The following PATJ variants were observed in gnomAD, a reference collection of about 807,000 sequenced individuals.
PATJ encodes the protein PATJ crumbs cell polarity complex component.
Under a neutral mutation model 224.9 loss-of-function variants are expected in PATJ, and 190 were observed. That is an observed-to-expected ratio of 0.84 (90% confidence interval 0.75 to 0.95). The LOEUF (loss-of-function observed/expected upper bound fraction) is 0.95, where lower values mean the gene tolerates loss of function less well. Ranked by LOEUF, PATJ falls within the 40% of genes least tolerant of loss-of-function variation. PATJ has a pLI of 0.00. For synonymous variants in PATJ, 769 were observed against 820.3 expected, an observed-to-expected ratio of 0.94 and a Z score of 1.07; for missense variants, 2,121 against 2,270.3, an observed-to-expected ratio of 0.93 and a Z score of 1.34.
At chr1:61,851,438 G>C (rs1326320475) in intron 17 of PATJ, among the ~76,000 whole-genome samples, 1 of 152,112 alleles carries the variant, frequency 6.6e-6, no homozygotes, top group Admixed American at 6.5e-5. Context: ...GGGATGGTTT[G>C]CATTAAGCCA....
At chr1:61,783,720 GT>G (rs1420064483) in intron 7 of PATJ, among the ~76,000 whole-genome samples, 2 of 131,000 alleles carry the variant, frequency 1.5e-5, no homozygotes, top group Admixed American at 7.8e-5. Context: ...AGTAATGTGA[GT>G]TTTTTTTTAG....
At chr1:61,869,195 C>CT (rs1438923332) in intron 20 of PATJ, among the ~76,000 whole-genome samples, 1 of 145,820 alleles carries the variant, frequency 6.9e-6, no homozygotes, top group Non-Finnish European at 1.5e-5. Flanking sequence ...CAAGCTCCGC[C>CT]TCCCGGGTTC....
At chr1:61,850,121 T>C (rs2148880366) in intron 17 of PATJ, among the ~76,000 whole-genome samples, 1 of 152,294 alleles carries the variant, frequency 6.6e-6, no homozygotes, top group South Asian at 2.1e-4. Flanking sequence ...TTAGAGCAAT[T>C]TCACAGCTAG....
intron 33 of PATJ, chr1:62,100,526 T>C (rs1662023611): frequency 1.6e-6 from 1 of 614,878 alleles, no homozygotes; most frequent in Non-Finnish European, 3.0e-6. Flanking sequence ...AATCACGCCT[T>C]AAAGGTCTCA....
chr1:61,778,036 T>G (rs1051861516), intron 7 of PATJ, among the ~76,000 whole-genome samples: 3 of 152,040 alleles, frequency 2.0e-5, no homozygotes, highest in Non-Finnish European at 4.4e-5. Flanking sequence ...CAGGCCACCA[T>G]GCCTAGCTAG....
intron 30 of PATJ, among the ~76,000 whole-genome samples, chr1:62,040,821 T>A (rs980986095): frequency 9.2e-5 from 14 of 152,266 alleles, no homozygotes; most frequent in Admixed American, 5.9e-4. Context: ...AAGGATCCAT[T>A]TGGCTATTTA....
At chr1:61,888,025 C>T (rs573610916) in intron 22 of PATJ, among the ~76,000 whole-genome samples, 1 of 152,340 alleles carries the variant, frequency 6.6e-6, no homozygotes, top group Admixed American at 6.5e-5. Context: ...GTTCTCTGTG[C>T]TTCTGCATAG....
intron 7 of PATJ, among the ~76,000 whole-genome samples, chr1:61,785,034 G>C (rs1050631706): frequency 6.6e-6 from 1 of 152,170 alleles, no homozygotes; most frequent in Non-Finnish European, 1.5e-5. Flanking sequence ...TCAATCTAAA[G>C]CATTCCTTCA....
chr1:61,819,510 A>G (rs1656820708), intron 14 of PATJ, among the ~76,000 whole-genome samples: 1 of 152,060 alleles, frequency 6.6e-6, no homozygotes, highest in Non-Finnish European at 1.5e-5. Flanking sequence ...CACACAGTTT[A>G]TACCCCGTAC....
intron 42 of PATJ, among the ~76,000 whole-genome samples, chr1:62,152,526 T>TG (rs1157015861): frequency 6.6e-6 from 1 of 151,490 alleles, no homozygotes; most frequent in African/African-American, 2.4e-5. Context: ...GTAGTACACG[T>TG]GTGTAATCCC....
chr1:61,797,107 T>C (rs571442286), intron 10 of PATJ, among the ~76,000 whole-genome samples, 180 bp from the exon 11 acceptor site: 2 of 152,104 alleles, frequency 1.3e-5, no homozygotes, highest in East Asian at 3.9e-4. Flanking sequence ...CCTCAGGTGA[T>C]CCATGATCCA....
chr1:61,911,855 A>G (rs1247128373), intron 25 of PATJ, among the ~76,000 whole-genome samples: 1 of 149,428 alleles, frequency 6.7e-6, no homozygotes, highest in Non-Finnish European at 1.5e-5. Context: ...TATATGTATT[A>G]AACAGAGATA....
At chr1:61,831,257 G>A (rs1659273346) in intron 16 of PATJ, among the ~76,000 whole-genome samples, 1 of 151,210 alleles carries the variant, frequency 6.6e-6, no homozygotes, top group African/African-American at 2.4e-5. Flanking sequence ...AACTACCATT[G>A]TGGATATTGG....
intron 7 of PATJ, among the ~76,000 whole-genome samples, chr1:61,781,881 G>T (rs61770115): frequency 2.0e-5 from 3 of 152,142 alleles, no homozygotes; most frequent in African/African-American, 7.2e-5. Flanking sequence ...AAGCTTCCAC[G>T]AGTCCGCTCC....
chr1:61,827,654 C>T, intron 16 of PATJ, 71 bp downstream of exon 16: 1 of 1,420,234 alleles, frequency 7.0e-7, no homozygotes, highest in Non-Finnish European at 9.5e-7. Context: ...GACTGTGCTG[C>T]AATAAGAAGG....
rs181933921 is a variant in PATJ at position 61,968,565 on chromosome 1, T to A, written c.3671-21603T>A. Reference sequence around the variant, plus strand: ...AAATTCTTTTTTTAATGTATTTTTTTAATTATTATTATACTTTAAGTTCTA... The same window carrying A: ...AAATTCTTTTTTTAATGTATTTTTTAAATTATTATTATACTTTAAGTTCTA... On this transcript the variant is annotated intron_variant, in intron 27 of 43. Coordinates refer to ENST00000642238, the MANE Select transcript of PATJ (RefSeq NM_001350145.3). Among the ~76,000 whole-genome samples, 1,352 of 152,322 alleles carry A rather than the reference T, an allele frequency of 8.9e-3. 7 individuals are homozygous for A. Among genetic ancestry groups the A allele is most frequent in the Middle Eastern group, 0.017 (5 of 294 alleles).
At chr1:61,868,446 C>G (rs566997717) in intron 20 of PATJ, among the ~76,000 whole-genome samples, 18 of 152,266 alleles carry the variant, frequency 1.2e-4, no homozygotes, top group African/African-American at 4.1e-4. Context: ...AGTGTAATGT[C>G]TTTAAGATTC....
chr1:62,043,638 A>AT (rs1177312113), intron 30 of PATJ, among the ~76,000 whole-genome samples: 1 of 151,718 alleles, frequency 6.6e-6, no homozygotes, highest in Non-Finnish European at 1.5e-5. Flanking sequence ...ACAAAACAGG[A>AT]TTTTTTTTCC....
At chr1:62,093,796 A>T (rs894696050) in intron 33 of PATJ, among the ~76,000 whole-genome samples, 1 of 152,206 alleles carries the variant, frequency 6.6e-6, no homozygotes, top group African/African-American at 2.4e-5. Context: ...TTTCCTTAAA[A>T]TAAGTCTATA....
Sources: allele counts gnomAD v4.1 joint callset (sites outside exome capture counted in the v4.1 genomes callset), GRCh38; gene constraint gnomAD v4.1.1; transcripts MANE v1.5; gene names NCBI Gene and HGNC (gene_info 2026-07-23, HGNC 2026-07-21).